The following ABCC1 variants were observed in gnomAD, a reference collection of about 807,000 sequenced individuals.
ABCC1 encodes multidrug resistance-associated protein 1.
ABCC1 carries 83 observed loss-of-function variants against 172.9 expected under a neutral mutation model. The ratio of observed to expected loss-of-function variants is 0.48; its 90% confidence interval spans 0.40 to 0.58. The LOEUF is 0.58. Ranked by LOEUF, ABCC1 falls within the 20% of genes least tolerant of loss-of-function variation. The pLI is 0.00. For missense variants in ABCC1, 1,817 were observed against 2,002.7 expected, an observed-to-expected ratio of 0.91 and a Z score of 1.77; for synonymous variants, 937 against 825.2, an observed-to-expected ratio of 1.14 and a Z score of -2.32.
chr16:16,044,205 G>A (rs1246493424), intron 7 of ABCC1, among the ~76,000 whole-genome samples: 1 of 152,234 alleles, frequency 6.6e-6, no homozygotes, highest in Non-Finnish European at 1.5e-5. Flanking sequence ...GGCCCAGAGA[G>A]CTTAAGGACC....
intron 27 of ABCC1, among the ~76,000 whole-genome samples, chr16:16,133,252 A>G (rs1216295858): frequency 6.6e-6 from 1 of 152,180 alleles, no homozygotes; most frequent in Non-Finnish European, 1.5e-5. Context: ...ACCTCTGAAC[A>G]TATGGACTTA....
chr16:16,088,953 C>T (rs965863647), intron 18 of ABCC1, among the ~76,000 whole-genome samples: 1 of 152,162 alleles, frequency 6.6e-6, no homozygotes, highest in African/African-American at 2.4e-5. Flanking sequence ...AAGGAATCCT[C>T]CCGTTTTGGC....
At chr16:16,111,345 C>A (rs1318420119) in intron 21 of ABCC1, 30 bp from the exon 22 acceptor site, 2 of 1,605,988 alleles carry the variant, frequency 1.2e-6, no homozygotes, top group Non-Finnish European at 8.5e-7. Flanking sequence ...CGTGCATGTG[C>A]TAAGCTGCCT....
chr16:16,022,943 ACT>A (rs1434637253), intron 5 of ABCC1, among the ~76,000 whole-genome samples: 2 of 152,060 alleles, frequency 1.3e-5, no homozygotes, highest in Non-Finnish European at 2.9e-5. Context: ...ATAGGGTCTC[ACT>A]CTGTCTCGCA....
At chr16:16,009,606 A>C (rs112739056) in intron 2 of ABCC1, among the ~76,000 whole-genome samples, 170 bp from the exon 3 acceptor site, 57 of 152,284 alleles carry the variant, frequency 3.7e-4, no homozygotes, top group African/African-American at 1.1e-3. Context: ...CCAGCTCACC[A>C]TACCGAGGAC....
chr16:16,014,494 C>G lies in ABCC1; in HGVS notation c.355C>G (p.Leu119Val). Residue 119 changes from leucine to valine, a missense_variant, in exon 4 of 31, where the codon CTT becomes GTT. Leu to Val is a conservative substitution (Grantham distance 32). Coordinates refer to ENST00000399410, the MANE Select transcript of ABCC1 (RefSeq NM_004996.4). Reference protein sequence around the residue: ...SPTLLGITMLLATFLIQLERR... With the variant: ...SPTLLGITMLVATFLIQLERR... ...TGTCTTGTGCTTCTCTCCTCAGCTG[C>G]TTGCTACCTTTTTAATTCAGCTGGA... 6.2e-7 allele frequency: 1 copy of G among 1,613,882 alleles called. No homozygotes were observed. Among genetic ancestry groups the G allele is most frequent in the Non-Finnish European group, 8.5e-7 (1 of 1,179,926 alleles).
chr16:16,093,848 T>G (rs1373644337), intron 19 of ABCC1, among the ~76,000 whole-genome samples: 2 of 152,122 alleles, frequency 1.3e-5, no homozygotes, highest in African/African-American at 4.8e-5. Flanking sequence ...GTATTTGGTT[T>G]GGGAGAATCC....
At chr16:16,128,393 C>T (rs2045534230) in intron 26 of ABCC1, among the ~76,000 whole-genome samples, 1 of 152,106 alleles carries the variant, frequency 6.6e-6, no homozygotes, top group African/African-American at 2.4e-5. Flanking sequence ...TCGTGATCCA[C>T]CCGCCTCAGC....
chr16:16,090,179 C>T (rs764397133), intron 18 of ABCC1, among the ~76,000 whole-genome samples: 55 of 152,336 alleles, frequency 3.6e-4, no homozygotes, highest in Non-Finnish European at 6.6e-4. Flanking sequence ...GCTTTTAGCT[C>T]AGCACCTGAG....
intron 1 of ABCC1, among the ~76,000 whole-genome samples, chr16:16,002,067 T>C (rs1247957544): frequency 6.6e-6 from 1 of 152,120 alleles, no homozygotes; most frequent in African/African-American, 2.4e-5. Flanking sequence ...ATTCAATTGT[T>C]TATTCAATGC....
At chr16:15,958,862 G>A (rs1314980492) in intron 1 of ABCC1, among the ~76,000 whole-genome samples, 1 of 152,162 alleles carries the variant, frequency 6.6e-6, no homozygotes. Flanking sequence ...CCGTTGACAT[G>A]TAGGCCACAT....
At chr16:16,093,851 G>A (rs1305253267) in intron 19 of ABCC1, among the ~76,000 whole-genome samples, 1 of 152,066 alleles carries the variant, frequency 6.6e-6, no homozygotes, top group South Asian at 2.1e-4. Flanking sequence ...TTTGGTTTGG[G>A]AGAATCCTTG....
chr16:16,105,296 A>G (rs2052029458), intron 20 of ABCC1: 2 of 152,332 alleles, frequency 1.3e-5, no homozygotes, highest in African/African-American at 4.8e-5. Flanking sequence ...GTCCTAGGTC[A>G]TGAAGCAGGA....
At chr16:16,127,916 GTTTTTTTTTTT>G (rs371440132) in intron 26 of ABCC1, among the ~76,000 whole-genome samples, 1 of 128,368 alleles carries the variant, frequency 7.8e-6, no homozygotes, top group Non-Finnish European at 1.7e-5. Context: ...ATTTCATTAG[GTTTTTTTTTTT>G]TTTTTTTTTA....
intron 17 of ABCC1, among the ~76,000 whole-genome samples, chr16:16,085,436 G>T (rs182001658): frequency 6.6e-6 from 1 of 152,326 alleles, no homozygotes; most frequent in East Asian, 1.9e-4. Flanking sequence ...TTCTTACGTG[G>T]TGAATGATGT....
At position 16,036,511 on chromosome 16, in the gene ABCC1, T is replaced by C; in HGVS notation, c.717T>C (p.Ser239=). 1 of 1,614,052 alleles carries C rather than the reference T, an allele frequency of 6.2e-7. No individual in the cohort carries two copies. Among genetic ancestry groups the C allele is most frequent in the South Asian group, 1.1e-5 (1 of 91,042 alleles). Residue 239 remains serine (S), a synonymous_variant, in exon 7 of 31, where the codon AGT becomes AGC. Transcript: ENST00000399410. Reference sequence around the variant, plus strand: ...GCTACCGCCAGCCCCTGGAGGGCAGTGACCTCTGGTCCTTAAACAAGGAGG... The same window carrying C: ...GCTACCGCCAGCCCCTGGAGGGCAGCGACCTCTGGTCCTTAAACAAGGAGG... ...VRGYRQPLEG[S]DLWSLNKEDT... is the part of the protein sequence containing the mutation.
At chr16:16,040,142 C>T (rs572997304) in intron 7 of ABCC1, among the ~76,000 whole-genome samples, 31 of 152,086 alleles carry the variant, frequency 2.0e-4, no homozygotes, top group African/African-American at 7.5e-4. Context: ...GTTGCTCAGG[C>T]TGGATGGCAG....
chr16:16,093,686 G>C (rs980983945), intron 19 of ABCC1, among the ~76,000 whole-genome samples: 1 of 152,146 alleles, frequency 6.6e-6, no homozygotes, highest in Non-Finnish European at 1.5e-5. Flanking sequence ...ATCAGGGTCT[G>C]GTCTTGCCCA....
chr16:15,982,994 A>G (rs2046661775), intron 1 of ABCC1, among the ~76,000 whole-genome samples: 1 of 152,068 alleles, frequency 6.6e-6, no homozygotes, highest in Admixed American at 6.6e-5. Flanking sequence ...TTCATATCAA[A>G]TGTCATATAA....
Sources: allele counts gnomAD v4.1 joint callset (sites outside exome capture counted in the v4.1 genomes callset), GRCh38; gene constraint gnomAD v4.1.1; transcripts MANE v1.5; gene names NCBI Gene and HGNC (gene_info 2026-07-23, HGNC 2026-07-21).